The following TGS1 variants were observed in gnomAD, a reference collection of about 807,000 sequenced individuals.
TGS1 encodes the protein trimethylguanosine synthase.
A neutral mutation model predicts 92.2 loss-of-function variants in TGS1; 69 were observed. The ratio of observed to expected loss-of-function variants is 0.75; its 90% CI spans 0.62 to 0.91. The LOEUF (loss-of-function observed/expected upper bound fraction) is 0.91. Ranked by LOEUF, TGS1 falls within the 40% of genes least tolerant of loss-of-function variation. The pLI, the probability that TGS1 is intolerant of heterozygous loss-of-function variation, is 0.00. For missense variants in TGS1, 1,062 were observed against 1,001.2 expected (o/e 1.06, Z -0.82); for synonymous variants, 345 against 338.1 (o/e 1.02, Z -0.22).
chr8:55,782,296 C>G (rs1811588689), intron 1 of TGS1, among the ~76,000 whole-genome samples: 1 of 152,022 alleles, frequency 6.6e-6, no homozygotes, highest in Non-Finnish European at 1.5e-5. Context: ...ATTCTCCTGC[C>G]TCAGCCTCCC....
At chr8:55,790,986 C>CTG (rs1811868656) in intron 5 of TGS1, among the ~76,000 whole-genome samples, 1 of 151,830 alleles carries the variant, frequency 6.6e-6, no homozygotes, top group African/African-American at 2.4e-5. Context: ...CTCTCTCTCT[C>CTG]TCACCAGTTC....
At chr8:55,773,777 G>A (rs567104904) in intron 1 of TGS1, 58 bp downstream of exon 1, 1 of 1,393,324 alleles carries the variant, frequency 7.2e-7, no homozygotes, top group Non-Finnish European at 9.9e-7. Flanking sequence ...AGAAATGTAG[G>A]TATTGCAAAC....
chr8:55,811,219 T>C lies in TGS1; in HGVS notation c.2360+122T>C, dbSNP rs570406806. 2.4e-4 allele frequency: 196 copies of C among 803,432 alleles called. 1 individual carries two copies. Among genetic ancestry groups the C allele is most frequent in the Non-Finnish European group, 3.7e-4 (189 of 517,172 alleles). The allele number at this position is 803,432 out of a possible 1,614,324, so 49.8% of individuals were successfully genotyped here. A position where few individuals can be genotyped will look rare whatever the true frequency, so the allele number is the denominator to read the frequency against. Reference sequence around the variant, plus strand: ...GGCTCACATTTGTAATCCTAGCACATTGGGAGGCTGAGGCAGGTGGATCAC... The same window carrying C: ...GGCTCACATTTGTAATCCTAGCACACTGGGAGGCTGAGGCAGGTGGATCAC... On this transcript the variant is annotated intron_variant, in intron 11 of 12. Coordinates refer to ENST00000260129, the MANE Select transcript of TGS1 (RefSeq NM_024831.8).
intron 7 of TGS1, among the ~76,000 whole-genome samples, chr8:55,798,689 TA>T (rs1410401469): frequency 2.0e-5 from 3 of 152,220 alleles, no homozygotes; most frequent in African/African-American, 4.8e-5. Context: ...TTTAATCTGA[TA>T]TTTTTTTCCT....
At chr8:55,809,570 C>A (rs1803285107) in intron 10 of TGS1, among the ~76,000 whole-genome samples, 1 of 152,068 alleles carries the variant, frequency 6.6e-6, no homozygotes, top group Non-Finnish European at 1.5e-5. Flanking sequence ...AAGTGATTCA[C>A]TTAAACCTCC....
At chr8:55,774,166 A>T (rs1167524748) in intron 1 of TGS1, among the ~76,000 whole-genome samples, 1 of 152,214 alleles carries the variant, frequency 6.6e-6, no homozygotes, top group Non-Finnish European at 1.5e-5. Context: ...GAGATAAAAG[A>T]CTTAACCATA....
rs762984884 is a variant in TGS1 at position 55,804,893 on chromosome 8, A to G, written c.2000A>G (p.Glu667Gly). ...RFDDGIKLDR[E>G]GWFSVTPEKI... Reference sequence around the variant, plus strand: ...TAACACAAATACTCTTCCTTTGCAGAGGGCTGGTTTTCAGTTACACCCGAG... The same window carrying G: ...TAACACAAATACTCTTCCTTTGCAGGGGGCTGGTTTTCAGTTACACCCGAG... Residue 667 changes from glutamate (E) to glycine (G), a missense_variant and splice_region_variant, in exon 10 of 13, where the codon GAG becomes GGG. Coordinates refer to ENST00000260129, the MANE Select transcript of TGS1 (RefSeq NM_024831.8). The G allele has an allele frequency of 1.1e-5, 17 of 1,613,206 alleles. No homozygotes were observed. The highest frequency in any genetic ancestry group is 1.3e-5 in the African/African-American group (1 of 74,926).
Position 55,787,070 on chromosome 8 carries a change from A to G in TGS1, c.1162+10A>G. ...GACCCACCAGCTGAGGGTAAGATTA[A>G]CCAAGATTTATTCTGCCATGTAATG... On this transcript the variant is annotated intron_variant, in intron 4 of 12. Coordinates refer to ENST00000260129, the MANE Select transcript of TGS1 (RefSeq NM_024831.8). 1 of 1,586,976 alleles carries G rather than the reference A, an allele frequency of 6.3e-7. No individual in the cohort carries two copies. The highest frequency in any genetic ancestry group is 1.1e-5 in the South Asian group (1 of 87,022).
chr8:55,801,811 A>G (rs895376061), intron 8 of TGS1, among the ~76,000 whole-genome samples: 1 of 149,160 alleles, frequency 6.7e-6, no homozygotes, highest in South Asian at 2.1e-4. Flanking sequence ...CTTGTCTTGA[A>G]CTTCTGACCT....
intron 1 of TGS1, among the ~76,000 whole-genome samples, chr8:55,776,079 A>G (rs919428757): frequency 2.0e-5 from 3 of 152,132 alleles, no homozygotes; most frequent in Admixed American, 6.5e-5. Context: ...TTATTCGGCC[A>G]GGAGCATCGG....
chr8:55,780,279 C>G (rs2130107447), intron 1 of TGS1, among the ~76,000 whole-genome samples: 1 of 151,486 alleles, frequency 6.6e-6, no homozygotes, highest in South Asian at 2.1e-4. Context: ...AGGTGATTCT[C>G]CCAGCTCAGC....
rs1324295854 is a variant in TGS1, at chr8:55,799,176, G to A, written c.1805G>A (p.Cys602Tyr). ...LLATVPDEQD[C>Y]VTQEVPDSRQ... is the part of the protein sequence containing the mutation. ...GCAACTGTTCCAGATGAGCAGGATT[G>A]TGTTACTCAAGAAGTGCCAGACTCC... Residue 602 changes from cysteine to tyrosine, a missense_variant, in exon 8 of 13, where the codon TGT (cysteine) becomes TAT (tyrosine). Transcript: ENST00000260129. 3 of 1,613,864 alleles carry A rather than the reference G, an allele frequency of 1.9e-6. No individual in the cohort carries two copies. Among genetic ancestry groups the A allele is most frequent in the Non-Finnish European group, 2.5e-6 (3 of 1,179,988 alleles).
chr8:55,789,199 G>A (rs937807144), intron 4 of TGS1, among the ~76,000 whole-genome samples: 1 of 152,118 alleles, frequency 6.6e-6, no homozygotes, highest in Admixed American at 6.6e-5. Flanking sequence ...TGTCTACCCT[G>A]CAGACATCTT....
At chr8:55,818,587 G>A (rs1803546990) in intron 12 of TGS1, among the ~76,000 whole-genome samples, 1 of 152,248 alleles carries the variant, frequency 6.6e-6, no homozygotes, top group South Asian at 2.1e-4. Flanking sequence ...TGCACAATTA[G>A]AGCAGAATCG....
rs754643625 is a variant in TGS1, at chr8:55,799,113, A to C, written c.1742A>C (p.Glu581Ala). ...EKCQSVSSAG[E>A]LETENYERDS... ...TGTCAGAGCGTATCTTCAGCTGGTG[A>C]ACTTGAAACAGAAAACTATGAAAGA... Residue 581 changes from glutamate (E) to alanine (A), a missense_variant, in exon 8 of 13, where the codon GAA becomes GCA. Glu to Ala is a moderately radical substitution (Grantham distance 107). Coordinates refer to ENST00000260129, the MANE Select transcript of TGS1 (RefSeq NM_024831.8). The C allele has an allele frequency of 6.2e-7, 1 of 1,614,040 alleles. No homozygotes were observed.
Position 55,799,010 on chromosome 8 carries a change from A to C in TGS1, c.1639A>C (p.Ser547Arg), listed in dbSNP as rs142566534. ...CAATGTGCACGACGCTTCCACAAGT[A>C]GTGATTCAGAGGAACAAGACATGTC... is the stretch of plus-strand genomic sequence containing the variant. ...HDNVHDASTS[S>R]DSEEQDMSVK... The change falls in exon 8 of 13, where the codon AGT becomes CGT. Residue 547 changes from serine to arginine, a missense_variant. Coordinates refer to ENST00000260129, the MANE Select transcript of TGS1 (RefSeq NM_024831.8). The C allele has an allele frequency of 1.2e-6, 2 of 1,614,084 alleles. No homozygotes were observed. The highest frequency in any genetic ancestry group is 2.2e-5 in the South Asian group (2 of 91,092).
intron 6 of TGS1, among the ~76,000 whole-genome samples, chr8:55,795,641 TTATATTTCCCTAACAAGGGGA>T (rs1812019561): frequency 6.6e-6 from 1 of 152,204 alleles, no homozygotes. Flanking sequence ...ATTTATATAT[TTATATTTCCCTAACAAGGGGA>T]TAGGGTTTTC....
At chr8:55,810,787 A>C in intron 10 of TGS1, 94 bp from the exon 11 acceptor site, 1 of 1,021,398 alleles carries the variant, frequency 9.8e-7, no homozygotes, top group Non-Finnish European at 1.5e-6. Flanking sequence ...AAGAGTTCTT[A>C]TACAGAAGAT....
chr8:55,787,583 C>G (rs1032833993), intron 4 of TGS1, among the ~76,000 whole-genome samples: 1 of 152,130 alleles, frequency 6.6e-6, no homozygotes, highest in African/African-American at 2.4e-5. Flanking sequence ...TGATTGATTC[C>G]TGAATAACTG....
Sources: allele counts gnomAD v4.1 joint callset (sites outside exome capture counted in the v4.1 genomes callset), GRCh38; gene constraint gnomAD v4.1.1; transcripts MANE v1.5; gene names NCBI Gene and HGNC (gene_info 2026-07-23, HGNC 2026-07-21).